Variants in MDGA1 observed in about 807,000 individuals in gnomAD.
MDGA1 encodes MAM domain containing glycosylphosphatidylinositol anchor 1, also known as MAM domain-containing glycosylphosphatidylinositol anchor protein 1.
A neutral mutation model predicts 101.5 loss-of-function variants in MDGA1; 54 were observed. The observed-to-expected ratio is 0.53, with a 90% confidence interval of 0.43 to 0.67. The LOEUF (loss-of-function observed/expected upper bound fraction) is 0.67, where lower values mean the gene tolerates loss of function less well. Ranked by LOEUF, MDGA1 falls within the 30% of genes least tolerant of loss-of-function variation. The pLI is 0.00. For missense variants in MDGA1, 1,083 were observed against 1,323.8 expected (o/e 0.82, Z 2.82); for synonymous variants, 533 against 558.3 (o/e 0.95, Z 0.64).
chr6:37,654,846 G>A lies in MDGA1; in HGVS notation c.666C>T (p.Cys222=), dbSNP rs200366910. 1.7e-4 allele frequency: 282 copies of A among 1,613,742 alleles called. 1 individual carries two copies. Among genetic ancestry groups the A allele is most frequent in the Non-Finnish European group, 3.6e-5 (43 of 1,179,824 alleles). Residue 222 remains cysteine, a synonymous_variant, in exon 5 of 17, where the codon TGC becomes TGT. Transcript: ENST00000434837. The part of the protein sequence containing the change: ...YTCQVSVRNV[C]GIPDKAITFR... ...AGGTGATGGCCTTGTCTGGGATGCC[G>A]CACACGTTACGCACAGACACCTGGC...
intron 1 of MDGA1, among the ~76,000 whole-genome samples, chr6:37,667,626 A>T (rs1471664183): frequency 6.6e-6 from 1 of 152,206 alleles, no homozygotes; most frequent in Non-Finnish European, 1.5e-5. Flanking sequence ...CCAAAAGATG[A>T]TGTGCATGCT....
rs946475580 is a variant in MDGA1, at chr6:37,695,028, A to G, written c.67+1717T>C. On this transcript the variant is annotated intron_variant, in intron 1 of 16. Coordinates refer to ENST00000434837, the MANE Select transcript of MDGA1 (RefSeq NM_153487.4). The stretch of plus-strand genomic sequence containing the variant: ...GGTTTACTAGACTAGGAACAGAGGA[A>G]CCTCCCAAAGATGAGCCCCAAGCAG... 2.6e-5 allele frequency among the ~76,000 whole-genome samples: 4 copies of G among 151,972 alleles called. No homozygotes were observed. In the South Asian group the frequency reaches 8.3e-4, roughly 32 times the overall value.
intron 1 of MDGA1, among the ~76,000 whole-genome samples, chr6:37,690,076 C>T (rs1388194802): frequency 6.6e-6 from 1 of 152,232 alleles, no homozygotes; most frequent in Non-Finnish European, 1.5e-5. Context: ...CCTTCTACTG[C>T]ACTCCCCCTG....
chr6:37,645,594 C>T (rs1294514590), intron 12 of MDGA1, among the ~76,000 whole-genome samples: 1 of 152,136 alleles, frequency 6.6e-6, no homozygotes, highest in African/African-American at 2.4e-5. Context: ...TGCCTGAATT[C>T]TATACATAGA....
At chr6:37,673,322 C>A (rs1761909797) in intron 1 of MDGA1, among the ~76,000 whole-genome samples, 1 of 152,234 alleles carries the variant, frequency 6.6e-6, no homozygotes, top group Non-Finnish European at 1.5e-5. Context: ...TCTCGCCCTC[C>A]CAGATCCTGG....
chr6:37,673,546 C>T (rs1761915850), intron 1 of MDGA1, among the ~76,000 whole-genome samples: 1 of 152,248 alleles, frequency 6.6e-6, no homozygotes, highest in African/African-American at 2.4e-5. Flanking sequence ...TTCCAAGCCT[C>T]TCTACAGACT....
At chr6:37,659,995 C>A (rs1413869383) in intron 2 of MDGA1, among the ~76,000 whole-genome samples, 1 of 150,988 alleles carries the variant, frequency 6.6e-6, no homozygotes, top group African/African-American at 2.4e-5. Context: ...AGAGTTCCTA[C>A]CTTTTTTCAA....
rs1401687253 is a variant in MDGA1 at position 37,655,911 on chromosome 6, C to A, written c.383-15G>T. 3 of 1,605,280 alleles carry A rather than the reference C, an allele frequency of 1.9e-6. No individual in the cohort carries two copies. Among genetic ancestry groups the A allele is most frequent in the Non-Finnish European group, 2.6e-6 (3 of 1,175,840 alleles). The stretch of plus-strand genomic sequence containing the variant: ...CTCATCCAGGTCTGCAAGGGCACAG[C>A]CCCCATGGAGTCAGGACTGGGTGAC... On this transcript the variant is annotated splice_polypyrimidine_tract_variant and intron_variant, in intron 3 of 16. Transcript: ENST00000434837. This position sits in a 1 kb window ranked among gnomAD's most constrained non-coding sequence, Gnocchi z 5.1.
chr6:37,687,779 A>C (rs886677366), intron 1 of MDGA1, among the ~76,000 whole-genome samples: 4 of 152,096 alleles, frequency 2.6e-5, no homozygotes, highest in African/African-American at 9.7e-5. Context: ...GCCTCACTTT[A>C]TTCTTAACCA....
At chr6:37,650,906 T>A (rs917912699) in intron 7 of MDGA1, among the ~76,000 whole-genome samples, 1 of 152,248 alleles carries the variant, frequency 6.6e-6, no homozygotes, top group African/African-American at 2.4e-5. Flanking sequence ...GCCTGCATTA[T>A]CGTTAGCTAC....
rs946109225 is a variant in MDGA1 at position 37,696,479 on chromosome 6, T to A, written c.67+266A>T. Among the ~76,000 whole-genome samples, 2 of 152,096 alleles carry A rather than the reference T, an allele frequency of 1.3e-5. No individual in the cohort carries two copies. The highest frequency in any genetic ancestry group is 2.9e-5 in the Non-Finnish European group (2 of 68,006). On this transcript the variant is annotated intron_variant, in intron 1 of 16. Coordinates refer to ENST00000434837, the MANE Select transcript of MDGA1 (RefSeq NM_153487.4). The surrounding 1 kb of genome is among the most constrained non-coding windows in gnomAD (Gnocchi z 5.6). Reference sequence around the variant, plus strand: ...GAGCCGACCGGGTGCTCTCAAGGGTTCCTAATCATTCCCACCTCTAGCAGG... The same window carrying A: ...GAGCCGACCGGGTGCTCTCAAGGGTACCTAATCATTCCCACCTCTAGCAGG...
chr6:37,661,411 C>A (rs1761621451), intron 2 of MDGA1, among the ~76,000 whole-genome samples: 1 of 152,212 alleles, frequency 6.6e-6, no homozygotes, highest in Admixed American at 6.5e-5. Flanking sequence ...ATCTTGACCA[C>A]TAAGTGGGCC....
In MDGA1 at chr6:37,655,537, A is replaced by AT. The variant is rs961241074; in HGVS notation, c.579+162dup. The AT allele has an allele frequency of 3.2e-5, 20 of 617,334 alleles. No homozygotes were observed. Among genetic ancestry groups the AT allele is most frequent in the Middle Eastern group, 4.2e-4 (1 of 2,366 alleles). The allele number at this position is 617,334 out of a possible 1,614,324, so 38.2% of individuals were successfully genotyped here. A position where few individuals can be genotyped will look rare whatever the true frequency, so the allele number is the denominator to read the frequency against. ...TGCTGCTCCCTGACCTTTCCATCTG[A>AT]TTTTTCTGCCCCAGGCTGTCTGAAC... On this transcript the variant is annotated intron_variant, in intron 4 of 16. Coordinates refer to ENST00000434837, the MANE Select transcript of MDGA1 (RefSeq NM_153487.4). The surrounding 1 kb of genome is among the most constrained non-coding windows in gnomAD (Gnocchi z 5.1).
chr6:37,649,238 C>T lies in MDGA1; in HGVS notation c.1638G>A (p.Gln546=). The T allele has an allele frequency of 6.6e-7, 1 of 1,507,632 alleles. No individual in the cohort carries two copies. The highest frequency in any genetic ancestry group is 1.4e-5 in the African/African-American group (1 of 69,382). The allele number at this position is 1,507,632 out of a possible 1,614,324, so 93.4% of individuals were successfully genotyped here. A position where few individuals can be genotyped will look rare whatever the true frequency, so the allele number is the denominator to read the frequency against. Residue 546 remains glutamine (Q), a synonymous_variant, in exon 9 of 17, where the codon CAG becomes CAA. Transcript: ENST00000434837. ...QFPPEVEPSS[Q]DVRQALGRPV... ...GCCGGCCCAGCGCCTGGCGCACGTC[C>T]TGGGAACTGGGCTCCACCTCCGGCG...
At chr6:37,653,901 G>T (rs1761423337) in intron 6 of MDGA1, among the ~76,000 whole-genome samples, 1 of 152,060 alleles carries the variant, frequency 6.6e-6, no homozygotes, top group Non-Finnish European at 1.5e-5. Flanking sequence ...CCACTGTACA[G>T]GGAGAAAGCC....
chr6:37,650,447 T>C, intron 7 of MDGA1, 42 bp from the exon 8 acceptor site: 1 of 1,465,528 alleles, frequency 6.8e-7, no homozygotes, highest in Non-Finnish European at 9.0e-7. Flanking sequence ...AGGAGCGGAG[T>C]TAGAGCTCCC....
At position 37,652,187 on chromosome 6, in the gene MDGA1, C is replaced by T. The variant is rs369198415; in HGVS notation, c.1136G>A (p.Arg379His). 3.7e-4 allele frequency: 592 copies of T among 1,614,012 alleles called. 4 individuals are homozygous for T. In the South Asian group the frequency reaches 4.1e-3, roughly 11 times the overall value. ...YQWFKNGKPARMSKRLLVTRN... is the reference protein window; with the variant it reads ...YQWFKNGKPAHMSKRLLVTRN... ...GGTCACCAGCAGCCGCTTGGACATGCGTGCCGGCTTGCCATTCTTGAACCA... is the reference window on the plus strand; with the variant it reads ...GGTCACCAGCAGCCGCTTGGACATGTGTGCCGGCTTGCCATTCTTGAACCA... The change falls in exon 7 of 17, where the codon CGC (arginine) becomes CAC (histidine). Residue 379 changes from arginine (R) to histidine (H), a missense_variant. Physicochemically the swap from Arg to His is conservative, Grantham distance 29 (BLOSUM62 0). Coordinates refer to ENST00000434837, the MANE Select transcript of MDGA1 (RefSeq NM_153487.4). This position sits in a 1 kb window ranked among gnomAD's most constrained non-coding sequence, Gnocchi z 4.3.
At chr6:37,692,690 C>A (rs80079791) in intron 1 of MDGA1, among the ~76,000 whole-genome samples, 3 of 152,068 alleles carry the variant, frequency 2.0e-5, no homozygotes, top group African/African-American at 2.4e-5. Flanking sequence ...CCCTTCCCCC[C>A]CAGCCTGTCC....
chr6:37,639,124 G>A (rs185969837), intron 14 of MDGA1: 27 of 175,808 alleles, frequency 1.5e-4, no homozygotes, highest in Admixed American at 9.8e-4. Context: ...ATACCCAGTT[G>A]GCAAGAGGAG....
Sources: allele counts gnomAD v4.1 joint callset (sites outside exome capture counted in the v4.1 genomes callset), GRCh38; gene constraint gnomAD v4.1.1; non-coding constraint Gnocchi (gnomAD v3.1); transcripts MANE v1.5; gene names NCBI Gene and HGNC (gene_info 2026-07-23, HGNC 2026-07-21).